The following NOS1AP variants were observed in gnomAD, a reference collection of about 807,000 sequenced individuals.
NOS1AP encodes nitric oxide synthase 1 adaptor protein, also known as carboxyl-terminal PDZ ligand of neuronal nitric oxide synthase protein.
In NOS1AP, 21 loss-of-function variants were observed where a neutral mutation model predicts 56.2. That is an observed-to-expected ratio of 0.37 (90% confidence interval 0.26 to 0.54). The LOEUF is 0.54. Ranked by LOEUF, NOS1AP falls within the 20% of genes least tolerant of loss-of-function variation. The probability of loss-of-function intolerance (pLI) is 0.84; values close to 1 mark genes in which losing one functional copy is unlikely to be tolerated. For synonymous variants in NOS1AP, 270 were observed against 274.6 expected, an observed-to-expected ratio of 0.98 and a Z score of 0.17; for missense variants, 522 against 657.8, an observed-to-expected ratio of 0.79 and a Z score of 2.26.
chr1:162,136,063 C>T (rs1234780054), intron 1 of NOS1AP, among the ~76,000 whole-genome samples: 4 of 152,050 alleles, frequency 2.6e-5, no homozygotes, highest in Non-Finnish European at 4.4e-5. Context: ...TGAAATAACC[C>T]GAGTTAGTAC....
intron 2 of NOS1AP, among the ~76,000 whole-genome samples, chr1:162,161,596 CT>C (rs58494155): frequency 0.18 from 26,373 of 149,814 alleles, 2,464 homozygotes; most frequent in East Asian, 0.36. Flanking sequence ...TCTTTGCCTC[CT>C]TTTTTTTTTC....
At chr1:162,295,418 A>G (rs1655424735) in intron 3 of NOS1AP, among the ~76,000 whole-genome samples, 1 of 152,218 alleles carries the variant, frequency 6.6e-6, no homozygotes, top group South Asian at 2.1e-4. Context: ...TTGTTCAGTA[A>G]TACATTCTGT....
chr1:162,182,415 G>A (rs61808482), intron 2 of NOS1AP, among the ~76,000 whole-genome samples: 3 of 152,214 alleles, frequency 2.0e-5, no homozygotes, highest in African/African-American at 7.2e-5. Context: ...TACACTTGAT[G>A]TTGATGGCTA....
At chr1:162,299,927 C>T (rs1655586926) in intron 3 of NOS1AP, among the ~76,000 whole-genome samples, 1 of 152,146 alleles carries the variant, frequency 6.6e-6, no homozygotes, top group Admixed American at 6.5e-5. Context: ...AGAGTGGCCA[C>T]CCTGTGCATT....
chr1:162,266,246 A>T (rs147790008), intron 2 of NOS1AP, among the ~76,000 whole-genome samples: 1,571 of 152,330 alleles, frequency 0.01, 23 homozygotes, highest in African/African-American at 0.036. Context: ...GTCTACATAG[A>T]TTCTGAAACC....
chr1:162,124,677 G>A (rs7513166), intron 1 of NOS1AP, among the ~76,000 whole-genome samples: 147,538 of 152,186 alleles, frequency 0.97, 71,685 homozygotes, highest in East Asian at 1. Context: ...GCCCGCCAGC[G>A]CGCCCAGCTA....
intron 2 of NOS1AP, among the ~76,000 whole-genome samples, chr1:162,219,739 T>C (rs1652707702): frequency 6.6e-6 from 1 of 152,158 alleles, no homozygotes; most frequent in South Asian, 2.1e-4. Context: ...TAATTATGCT[T>C]TAGGTTTTAG....
intron 1 of NOS1AP, among the ~76,000 whole-genome samples, chr1:162,090,620 C>A (rs562580047): frequency 6.6e-6 from 1 of 152,164 alleles, no homozygotes; most frequent in Admixed American, 6.5e-5. Context: ...TCCCTTTGAT[C>A]TCTTTCCTAT....
At chr1:162,177,716 A>G (rs771696047) in intron 2 of NOS1AP, among the ~76,000 whole-genome samples, 1 of 152,216 alleles carries the variant, frequency 6.6e-6, no homozygotes, top group Non-Finnish European at 1.5e-5. Flanking sequence ...GAGTAATTTT[A>G]GCAAAATTGA....
At chr1:162,180,306 G>A (rs1651208527) in intron 2 of NOS1AP, among the ~76,000 whole-genome samples, 1 of 151,956 alleles carries the variant, frequency 6.6e-6, no homozygotes, top group Non-Finnish European at 1.5e-5. Context: ...GTGCAGTGGC[G>A]CTATCTCTGC....
chr1:162,221,239 C>T (rs1652758144), intron 2 of NOS1AP, among the ~76,000 whole-genome samples: 1 of 152,134 alleles, frequency 6.6e-6, no homozygotes, highest in African/African-American at 2.4e-5. Context: ...GCGCCCAGCC[C>T]ACACACTATT....
intron 1 of NOS1AP, among the ~76,000 whole-genome samples, chr1:162,093,721 CTTTTT>C (rs1262240938): frequency 3.8e-5 from 4 of 105,242 alleles, no homozygotes; most frequent in Middle Eastern, 0.011. Flanking sequence ...CCCTGGCTAA[CTTTTT>C]ATTTTTAGTG....
chr1:162,273,417 G>A (rs1432859622), intron 2 of NOS1AP, among the ~76,000 whole-genome samples: 1 of 152,036 alleles, frequency 6.6e-6, no homozygotes, highest in South Asian at 2.1e-4. Flanking sequence ...CACCCACCTC[G>A]GCCTCCCGAA....
chr1:162,276,780 G>A (rs74370552), intron 2 of NOS1AP, among the ~76,000 whole-genome samples: 1,925 of 152,282 alleles, frequency 0.013, 40 homozygotes, highest in African/African-American at 0.043. Flanking sequence ...GGGAACTTGT[G>A]TATTGGTTAC....
chr1:162,141,292 T>C (rs1025689684), intron 1 of NOS1AP, among the ~76,000 whole-genome samples: 22 of 152,170 alleles, frequency 1.4e-4, no homozygotes, highest in Admixed American at 3.3e-4. Context: ...AGCTAGAAAG[T>C]GGTGCAGCTG....
intron 4 of NOS1AP, among the ~76,000 whole-genome samples, chr1:162,328,551 A>T (rs1481031553): frequency 6.6e-6 from 1 of 152,222 alleles, no homozygotes; most frequent in East Asian, 1.9e-4. Context: ...CCCTCTGCAC[A>T]TACTCATTCT....
intron 1 of NOS1AP, among the ~76,000 whole-genome samples, chr1:162,083,318 G>T (rs1691932842): frequency 1.3e-5 from 2 of 152,202 alleles, no homozygotes; most frequent in Admixed American, 1.3e-4. Flanking sequence ...CATGTCTCCT[G>T]TGGGCCAAGT....
rs991365919 is a variant in NOS1AP at position 162,368,622 on chromosome 1, T to C, written c.*1155T>C. ...TTGAGCACACATATAAAAAGTGCCA[T>C]GTGCAATTGTCTTATCTTTTATGAT... On this transcript the variant is annotated 3_prime_UTR_variant, in exon 10 of 10. Coordinates refer to ENST00000361897, the MANE Select transcript of NOS1AP (RefSeq NM_014697.3). 2.0e-5 allele frequency: 3 copies of C among 152,236 alleles called. No individual in the cohort carries two copies. The highest frequency in any genetic ancestry group is 4.4e-5 in the Non-Finnish European group (3 of 68,048). 9.4% of individuals were successfully genotyped at this position (152,236 alleles called of 1,614,324 possible).
chr1:162,291,760 A>G (rs1439923666), intron 3 of NOS1AP, among the ~76,000 whole-genome samples: 1 of 152,208 alleles, frequency 6.6e-6, no homozygotes, highest in East Asian at 1.9e-4. Flanking sequence ...CTTAGGTTGA[A>G]TTTGTGATGT....
Sources: allele counts gnomAD v4.1 joint callset (sites outside exome capture counted in the v4.1 genomes callset), GRCh38; gene constraint gnomAD v4.1.1; transcripts MANE v1.5; gene names NCBI Gene and HGNC (gene_info 2026-07-23, HGNC 2026-07-21).